SARDH: variants seen among roughly 807,000 people sequenced by gnomAD.
SARDH encodes sarcosine dehydrogenase, mitochondrial.
Under a neutral mutation model 109.1 loss-of-function variants are expected in SARDH, and 95 were observed. The ratio of observed to expected loss-of-function variants is 0.87; its 90% CI spans 0.74 to 1.03. The LOEUF (loss-of-function observed/expected upper bound fraction) is 1.03, where lower values mean the gene tolerates loss of function less well. Ranked by LOEUF, SARDH falls within the 50% of genes least tolerant of loss-of-function variation. The pLI, the probability that SARDH is intolerant of heterozygous loss-of-function variation, is 0.00. For missense variants in SARDH, 1,267 were observed against 1,287.8 expected, an observed-to-expected ratio of 0.98 and a Z score of 0.25; for synonymous variants, 572 against 534.8, an observed-to-expected ratio of 1.07 and a Z score of -0.96.
intron 17 of SARDH, among the ~76,000 whole-genome samples, chr9:133,683,673 C>G (rs893702681): frequency 6.6e-6 from 1 of 152,220 alleles, no homozygotes; most frequent in Admixed American, 6.5e-5. Context: ...GAGAGCAGAG[C>G]CGCTGGGATC....
intron 17 of SARDH, among the ~76,000 whole-genome samples, chr9:133,682,073 T>C (rs2797829): frequency 0.45 from 67,815 of 151,934 alleles, 16,479 homozygotes; most frequent in African/African-American, 0.65. Flanking sequence ...GAACCGCACA[T>C]ACCTCCGACC....
intron 8 of SARDH, among the ~76,000 whole-genome samples, chr9:133,715,709 C>G (rs542256189): frequency 1.3e-5 from 2 of 152,284 alleles, no homozygotes; most frequent in Non-Finnish European, 2.9e-5. Context: ...CTGGGCTCCC[C>G]GCTTTGTGCC....
At chr9:133,698,009 T>A (rs368688730) in intron 13 of SARDH, among the ~76,000 whole-genome samples, 71 of 95,640 alleles carry the variant, frequency 7.4e-4, no homozygotes, top group Admixed American at 1.1e-3. Flanking sequence ...AGGAATCCAC[T>A]AAAAAAAAAA....
intron 19 of SARDH, among the ~76,000 whole-genome samples, chr9:133,667,472 A>AT (rs556152162): frequency 3.2e-4 from 49 of 151,590 alleles, no homozygotes; most frequent in African/African-American, 1.1e-3. Flanking sequence ...GGCCAGGTTC[A>AT]TTTTTTTTAT....
rs762509323 is a variant in SARDH at position 133,694,305 on chromosome 9, C to T, written c.1874G>A (p.Arg625His). ...GGTESDLTVS[R>H]LAPSHQASPL... ...GGAGGCCTGGTGGCTGGGTGCCAGG[C>T]GGCTGACAGTCAGGTCACTCTCGGT... The change falls in exon 15 of 21, where the codon CGC becomes CAC. Residue 625 changes from arginine to histidine, a missense_variant. Arg to His is a conservative substitution (Grantham distance 29). Transcript: ENST00000439388. The T allele has an allele frequency of 2.7e-5, 42 of 1,550,374 alleles. No individual in the cohort carries two copies. Among genetic ancestry groups the T allele is most frequent in the Middle Eastern group, 3.3e-4 (2 of 6,010 alleles).
rs371860039 is a variant in SARDH at position 133,681,290 on chromosome 9, G to A, written c.2163+3903C>T. Among the ~76,000 whole-genome samples the A allele has an allele frequency of 1.6e-4, 25 of 152,306 alleles. No individual in the cohort carries two copies. In the South Asian group the frequency reaches 3.1e-3, roughly 19 times the overall value. On this transcript the variant is annotated intron_variant, in intron 17 of 20. Transcript: ENST00000439388. ...CACAGGCCCCTGGGGTCAGTCCCAG[G>A]GCAGAGCCCCCCAACACGGGCCACA...
At chr9:133,670,875 A>C in intron 18 of SARDH, 123 bp from the exon 19 acceptor site, 1 of 1,349,352 alleles carries the variant, frequency 7.4e-7, no homozygotes, top group South Asian at 1.6e-5. Flanking sequence ...AGAGCTGCTT[A>C]GTCACCTGGG....
Position 133,663,937 on chromosome 9 carries a change from C to G in SARDH, c.2709G>C (p.Leu903=), listed in dbSNP as rs1174343451. The part of the protein sequence containing the change: ...MGVTYGAQAH[L]KSPFDPNNKR... ...TGTTGTTGGGGTCGAAGGGCGACTT[C>G]AGGTGAGCCTGGGCACCATAGGTCA... The change falls in exon 21 of 21, where the codon CTG becomes CTC. Residue 903 remains leucine (L), a synonymous_variant. Transcript: ENST00000439388. 6.2e-7 allele frequency: 1 copy of G among 1,614,198 alleles called. No homozygotes were observed.
rs1297179019 is a variant in SARDH at position 133,734,160 on chromosome 9, C to T, written c.14G>A (p.Ser5Asn). 1.3e-6 allele frequency: 2 copies of T among 1,595,020 alleles called. No homozygotes were observed. Among genetic ancestry groups the T allele is most frequent in the Non-Finnish European group, 8.5e-7 (1 of 1,171,310 alleles). MASLSRALRVAAAHP... is the reference protein window; with the variant it reads MASLNRALRVAAAHP... ...GGCAGCAGCCACACGTAGGGCTCGG[C>T]TCAGTGAGGCCATGGGGGCTCCAGG... Residue 5 changes from serine (S) to asparagine (N), a missense_variant, in exon 2 of 21, where the codon AGC (serine) becomes AAC (asparagine). Transcript: ENST00000439388.
Position 133,733,848 on chromosome 9 carries a change from G to A in SARDH, c.326C>T (p.Thr109Met), listed in dbSNP as rs767872616. Reference protein sequence around the residue: ...ERLTSGTTWHTAGLLWQLRPS... With the variant: ...ERLTSGTTWHMAGLLWQLRPS... ...ACCTGGCCCCCGGTCCCTACCTGCCGTGTGCCAGGTGGTCCCGGAGGTCAG... is the reference window on the plus strand; with the variant it reads ...ACCTGGCCCCCGGTCCCTACCTGCCATGTGCCAGGTGGTCCCGGAGGTCAG... The change falls in exon 2 of 21, where the codon ACG (threonine) becomes ATG (methionine). Residue 109 changes from threonine to methionine, a missense_variant. Physicochemically the swap from Thr to Met is moderately conservative, Grantham distance 81 (BLOSUM62 -1). Transcript: ENST00000439388. 30 of 1,461,950 alleles carry A rather than the reference G, an allele frequency of 2.1e-5. No homozygotes were observed. The highest frequency in any genetic ancestry group is 1.8e-4 in the Middle Eastern group (1 of 5,546). 90.6% of individuals were successfully genotyped at this position (1,461,950 alleles called of 1,614,324 possible). A position where few individuals can be genotyped will look rare whatever the true frequency, so the allele number is the denominator to read the frequency against.
At chr9:133,673,292 CA>C (rs1432993191) in intron 17 of SARDH, among the ~76,000 whole-genome samples, 1 of 152,260 alleles carries the variant, frequency 6.6e-6, no homozygotes, top group Non-Finnish European at 1.5e-5. Flanking sequence ...CACCTTCAGG[CA>C]AACCGTTGAA....
chr9:133,713,406 G>A (rs1161480650), intron 8 of SARDH, among the ~76,000 whole-genome samples: 1 of 152,168 alleles, frequency 6.6e-6, no homozygotes, highest in Non-Finnish European at 1.5e-5. Context: ...CCGTTGTCCT[G>A]CCGACAAGGA....
downstream of SARDH, among the ~76,000 whole-genome samples, chr9:133,661,340 A>C (rs1040168671): frequency 1.8e-4 from 27 of 146,488 alleles, no homozygotes. Context: ...ACCCTGTCTC[A>C]AAAAAAAAAC....
rs964170560 is a variant in SARDH, at chr9:133,686,360, C to A, written c.2070-1074G>T. 6.6e-6 allele frequency among the ~76,000 whole-genome samples: 1 copy of A among 152,080 alleles called. No homozygotes were observed. The highest frequency in any genetic ancestry group is 2.4e-5 in the African/African-American group (1 of 41,400). ...TCTTGTGCCCCTTCGCATTCTCACC[C>A]CTTCCCCTGTCACCACTTAACCCTT... On this transcript the variant is annotated intron_variant, in intron 16 of 20. Coordinates refer to ENST00000439388, the MANE Select transcript of SARDH (RefSeq NM_001134707.2). The surrounding 1 kb of genome is among the most constrained non-coding windows in gnomAD (Gnocchi z 4.0).
rs1243720950 is a variant in SARDH at position 133,671,693 on chromosome 9, C to G, written c.2168G>C (p.Arg723Pro). 3.5e-5 allele frequency: 55 copies of G among 1,570,620 alleles called. No individual in the cohort carries two copies. Among genetic ancestry groups the G allele is most frequent in the Non-Finnish European group, 4.7e-5 (55 of 1,158,074 alleles). ...CCCCACAAAGGACAGCCGCATGGCT[C>G]GGACCTGGGGGACAAGGTCATGGCT... ...KLLRAAGHLVRAMRLSFVGEL... is the reference protein window; with the variant it reads ...KLLRAAGHLVPAMRLSFVGEL... Residue 723 changes from arginine (R) to proline (P), a missense_variant, in exon 18 of 21, where the codon CGA becomes CCA. By Grantham distance (103) the Arg-to-Pro change is moderately radical (BLOSUM62 -2). Coordinates refer to ENST00000439388, the MANE Select transcript of SARDH (RefSeq NM_001134707.2).
chr9:133,682,672 G>A (rs1045181426), intron 17 of SARDH, among the ~76,000 whole-genome samples: 1 of 144,212 alleles, frequency 6.9e-6, no homozygotes, highest in Non-Finnish European at 1.5e-5. Context: ...GAAACTGCTA[G>A]AAGCGAGGTC....
At chr9:133,681,778 C>T (rs1052907486) in intron 17 of SARDH, among the ~76,000 whole-genome samples, 4 of 152,224 alleles carry the variant, frequency 2.6e-5, no homozygotes, top group African/African-American at 7.2e-5. Flanking sequence ...ATAACTGCCA[C>T]GGCCGGTGCG....
At chr9:133,716,490 G>A (rs1414527488) in intron 8 of SARDH, among the ~76,000 whole-genome samples, 2 of 152,136 alleles carry the variant, frequency 1.3e-5, no homozygotes, top group African/African-American at 2.4e-5. Context: ...CTTTGCCAGG[G>A]CCCAGGCCAG....
chr9:133,712,946 G>A lies in SARDH; in HGVS notation c.1237+92C>T. 14 of 1,294,418 alleles carry A rather than the reference G, an allele frequency of 1.1e-5. No homozygotes were observed. Among genetic ancestry groups the A allele is most frequent in the Non-Finnish European group, 1.5e-5 (14 of 922,432 alleles). The allele number at this position is 1,294,418 out of a possible 1,614,324, so 80.2% of individuals were successfully genotyped here. A position where few individuals can be genotyped will look rare whatever the true frequency, so the allele number is the denominator to read the frequency against. The stretch of plus-strand genomic sequence containing the variant: ...CTCTCCTGTCCCCACCACTGTCGGG[G>A]GCCACGGTGCTCCTGCGCCCGCCTC... On this transcript the variant is annotated intron_variant, in intron 9 of 20. Transcript: ENST00000439388. This position sits in a 1 kb window ranked among gnomAD's most constrained non-coding sequence, Gnocchi z 4.1.
Sources: allele counts gnomAD v4.1 joint callset (sites outside exome capture counted in the v4.1 genomes callset), GRCh38; gene constraint gnomAD v4.1.1; non-coding constraint Gnocchi (gnomAD v3.1); transcripts MANE v1.5; gene names NCBI Gene and HGNC (gene_info 2026-07-23, HGNC 2026-07-21).